The following ARHGAP29 variants were observed in gnomAD, a reference collection of about 807,000 sequenced individuals.
The protein encoded by ARHGAP29 is Rho GTPase activating protein 29, also known as rho GTPase-activating protein 29.
ARHGAP29 carries 43 observed loss-of-function variants against 122.6 expected under a neutral mutation model. The ratio of observed to expected loss-of-function variants is 0.35; its 90% confidence interval spans 0.27 to 0.45. The LOEUF is 0.45. Among genes scored for constraint, ARHGAP29 ranks in the 20% least tolerant of loss-of-function variants. The pLI is 1.00. For missense variants in ARHGAP29, 1,303 were observed against 1,477.2 expected (o/e 0.88, Z 1.93); for synonymous variants, 506 against 497.1 (o/e 1.02, Z -0.24).
intron 1 of ARHGAP29, among the ~76,000 whole-genome samples, chr1:94,251,892 T>G (rs2100696991): frequency 6.6e-6 from 1 of 152,328 alleles, no homozygotes; most frequent in East Asian, 1.9e-4. Flanking sequence ...GATTTATTGG[T>G]TTATTTACAG....
intron 2 of ARHGAP29, among the ~76,000 whole-genome samples, chr1:94,223,686 CTAG>C (rs1652454960): frequency 6.6e-6 from 1 of 151,424 alleles, no homozygotes; most frequent in Admixed American, 6.6e-5. Flanking sequence ...ACTTTATGCA[CTAG>C]TAGAATAGGT....
chr1:94,226,797 T>C (rs1652638567), intron 2 of ARHGAP29, among the ~76,000 whole-genome samples: 1 of 151,942 alleles, frequency 6.6e-6, no homozygotes, highest in South Asian at 2.1e-4. Flanking sequence ...TCTATTAACA[T>C]TCACATTAAC....
At chr1:94,221,187 A>G (rs1223992598) in intron 2 of ARHGAP29, among the ~76,000 whole-genome samples, 1 of 152,194 alleles carries the variant, frequency 6.6e-6, no homozygotes, top group Non-Finnish European at 1.5e-5. Context: ...TGCTACTCAC[A>G]GTCATGCTAG....
intron 2 of ARHGAP29, among the ~76,000 whole-genome samples, chr1:94,226,935 A>G (rs979172510): frequency 1.3e-5 from 2 of 151,980 alleles, no homozygotes; most frequent in Admixed American, 6.6e-5. Context: ...CACACTGTAA[A>G]GTTAAGTAGG....
chr1:94,247,707 C>G (rs1653871922), intron 1 of ARHGAP29, among the ~76,000 whole-genome samples: 1 of 151,452 alleles, frequency 6.6e-6, no homozygotes, highest in Non-Finnish European at 1.5e-5. Flanking sequence ...CCACAGACAC[C>G]ACCACCACCA....
Position 94,171,458 on chromosome 1 carries a change from G to A in ARHGAP29, c.*2411C>T, listed in dbSNP as rs1279524664. Among the ~76,000 whole-genome samples the A allele has an allele frequency of 6.6e-6, 1 of 152,158 alleles. No homozygotes were observed. The highest frequency in any genetic ancestry group is 1.9e-4 in the East Asian group (1 of 5,198). On this transcript the variant is annotated 3_prime_UTR_variant, in exon 23 of 23. Transcript: ENST00000260526. The stretch of plus-strand genomic sequence containing the variant: ...ATCTTGGACAATACGCCTCCCACAA[G>A]GCTTCCTGGTGTTCTGGCAGCACTA...
intron 1 of ARHGAP29, chr1:94,274,909 A>G (rs1389618541): frequency 6.6e-6 from 1 of 152,142 alleles, no homozygotes; most frequent in African/African-American, 2.4e-5. Context: ...GTTCAAATAA[A>G]TCACCAGTTC....
At chr1:94,237,710 G>A (rs1445396001), upstream of ARHGAP29, 4 of 985,266 alleles carry the variant, frequency 4.1e-6, no homozygotes, top group African/African-American at 7.0e-5. Flanking sequence ...GCAGGTACGG[G>A]AGGCAACTAG....
chr1:94,239,147 C>G (rs1314681932), upstream of ARHGAP29, among the ~76,000 whole-genome samples: 1 of 152,094 alleles, frequency 6.6e-6, no homozygotes, highest in East Asian at 1.9e-4. Flanking sequence ...GCCAAGGACT[C>G]TCACCATGGA....
At chr1:94,286,587 G>A in the ARHGAP29 span, among the ~76,000 whole-genome samples, 2 of 152,174 alleles carry the variant, frequency 1.3e-5, no homozygotes, top group Admixed American at 1.3e-4. Flanking sequence ...AGGATCACCT[G>A]AGACTGGAAG....
chr1:94,269,987 T>G (rs555056609), intron 1 of ARHGAP29, among the ~76,000 whole-genome samples: 185 of 152,284 alleles, frequency 1.2e-3, no homozygotes, highest in African/African-American at 4.3e-3. Context: ...ATCAATGGGA[T>G]GGACAACAAT....
rs1651025334 is a variant in ARHGAP29, at chr1:94,203,924, A to C, written c.762+6T>G. On this transcript the variant is annotated splice_donor_region_variant and intron_variant, in intron 8 of 22. Transcript: ENST00000260526. ...ATAGAACCCCCGAAGTTCACAGAAC[A>C]CTTACCTGAATTCCAATGTTAGTTC... 7 of 1,613,458 alleles carry C rather than the reference A, an allele frequency of 4.3e-6. No individual in the cohort carries two copies. The highest frequency in any genetic ancestry group is 5.9e-6 in the Non-Finnish European group (7 of 1,179,546).
chr1:94,208,910 CA>C lies in ARHGAP29; in HGVS notation c.438-7del, dbSNP rs1227896586. 6.2e-7 allele frequency: 1 copy of C among 1,612,034 alleles called. No individual in the cohort carries two copies. The highest frequency in any genetic ancestry group is 1.7e-5 in the Admixed American group (1 of 59,954). On this transcript the variant is annotated splice_polypyrimidine_tract_variant and splice_region_variant and intron_variant, in intron 4 of 22. Transcript: ENST00000260526. The stretch of plus-strand genomic sequence containing the variant: ...CCATAAGGAAGTTTGTAAGGCTATC[CA>C]AGGAGGTTAAAAAAAGAAAGACAAG...
chr1:94,304,262 C>T, the ARHGAP29 span, among the ~76,000 whole-genome samples: 1 of 152,230 alleles, frequency 6.6e-6, no homozygotes, highest in African/African-American at 2.4e-5. Context: ...GCCTCAGCCT[C>T]CTGAGTATCT....
intron 2 of ARHGAP29, among the ~76,000 whole-genome samples, chr1:94,221,445 T>C (rs1341979255): frequency 2.6e-5 from 4 of 151,896 alleles, no homozygotes. Context: ...TTCAATGTGA[T>C]ACTGAATACT....
chr1:94,214,277 A>G (rs1348686214), intron 3 of ARHGAP29, among the ~76,000 whole-genome samples: 1 of 152,182 alleles, frequency 6.6e-6, no homozygotes, highest in Non-Finnish European at 1.5e-5. Context: ...TTCAATATCT[A>G]TCTGTACACA....
chr1:94,307,274 A>G, the ARHGAP29 span, among the ~76,000 whole-genome samples: 1 of 152,168 alleles, frequency 6.6e-6, no homozygotes, highest in Non-Finnish European at 1.5e-5. Context: ...CTCCCCATCT[A>G]CAGGACAATC....
the ARHGAP29 span, chr1:94,302,722 T>G: frequency 5.1e-6 from 2 of 391,762 alleles, no homozygotes; most frequent in Non-Finnish European, 1.0e-5. Context: ...GCCTTCCATG[T>G]ACCCACTGCC....
chr1:94,300,241 G>GATGAATAC, the ARHGAP29 span, among the ~76,000 whole-genome samples: 3 of 152,158 alleles, frequency 2.0e-5, no homozygotes, highest in Admixed American at 6.5e-5. Flanking sequence ...TGAGTGAATG[G>GATGAATAC]ATGAATACAT....
Sources: allele counts gnomAD v4.1 joint callset (sites outside exome capture counted in the v4.1 genomes callset), GRCh38; gene constraint gnomAD v4.1.1; transcripts MANE v1.5; gene names NCBI Gene and HGNC (gene_info 2026-07-23, HGNC 2026-07-21).